The following NCAM2 variants were observed in gnomAD, a reference collection of about 807,000 sequenced individuals.
The protein encoded by NCAM2 is neural cell adhesion molecule 2, also known as N-CAM-2.
NCAM2 carries 30 observed loss-of-function variants against 98.1 expected under a neutral mutation model. The ratio of observed to expected loss-of-function variants is 0.31; its 90% CI spans 0.23 to 0.41. The LOEUF (loss-of-function observed/expected upper bound fraction) is 0.41. NCAM2 is among the 10% of genes least tolerant of loss of function. NCAM2 has a pLI of 1.00. For synonymous variants in NCAM2, 368 were observed against 342.4 expected (o/e 1.07, Z -0.83); for missense variants, 867 against 1,005.8 (o/e 0.86, Z 1.87).
intron 1 of NCAM2, among the ~76,000 whole-genome samples, chr21:21,056,819 G>A (rs906209396): frequency 1.3e-5 from 2 of 151,962 alleles, no homozygotes; most frequent in Middle Eastern, 3.2e-3. Context: ...AGAAGGTCAC[G>A]GGAAGCCTGG....
At chr21:21,069,072 G>A (rs1201878325) in intron 1 of NCAM2, among the ~76,000 whole-genome samples, 1 of 152,082 alleles carries the variant, frequency 6.6e-6, no homozygotes, top group Non-Finnish European at 1.5e-5. Context: ...ATTTGCATAT[G>A]ATTAAAATCC....
intron 16 of NCAM2, among the ~76,000 whole-genome samples, chr21:21,525,616 A>C (rs1424536626): frequency 6.6e-6 from 1 of 152,146 alleles, no homozygotes; most frequent in Non-Finnish European, 1.5e-5. Context: ...AATTATCTAC[A>C]TGTTATTTCA....
chr21:21,494,882 T>C (rs1485450720), intron 15 of NCAM2, among the ~76,000 whole-genome samples: 1 of 125,116 alleles, frequency 8.0e-6, no homozygotes, highest in Non-Finnish European at 1.7e-5. Context: ...AAAAGAGCTG[T>C]TATGTATGAA....
chr21:21,513,946 C>T (rs1486494497), intron 16 of NCAM2, among the ~76,000 whole-genome samples: 1 of 151,718 alleles, frequency 6.6e-6, no homozygotes, highest in Non-Finnish European at 1.5e-5. Context: ...TTTATAATGA[C>T]CTTATTCATC....
At chr21:21,165,985 C>G (rs2067939237) in intron 1 of NCAM2, among the ~76,000 whole-genome samples, 1 of 152,090 alleles carries the variant, frequency 6.6e-6, no homozygotes, top group South Asian at 2.1e-4. Flanking sequence ...AATGATGGGG[C>G]CATTCTCTAA....
intron 5 of NCAM2, among the ~76,000 whole-genome samples, chr21:21,304,532 C>T (rs1288114070): frequency 6.6e-6 from 1 of 151,942 alleles, no homozygotes; most frequent in Non-Finnish European, 1.5e-5. Context: ...ATTATAAGTC[C>T]TCCAACTTTG....
rs1022039382 is a variant in NCAM2, at chr21:21,357,115, C to G, written c.1045-16748C>G. Among the ~76,000 whole-genome samples the G allele has an allele frequency of 5.9e-5, 9 of 152,238 alleles. No individual in the cohort carries two copies. The East Asian group carries it at 1.5e-3, about 26-fold the overall frequency. On this transcript the variant is annotated intron_variant, in intron 8 of 17. Coordinates refer to ENST00000400546, the MANE Select transcript of NCAM2 (RefSeq NM_004540.5). Reference sequence around the variant, plus strand: ...AGTAGTCATTTTTTATGAATATACACTTTTGAAATATGCAGTTTTCATATA... The same window carrying G: ...AGTAGTCATTTTTTATGAATATACAGTTTTGAAATATGCAGTTTTCATATA...
At chr21:21,230,741 T>G (rs1285936524) in intron 1 of NCAM2, among the ~76,000 whole-genome samples, 1 of 151,314 alleles carries the variant, frequency 6.6e-6, no homozygotes, top group African/African-American at 2.4e-5. Context: ...GACCAGAAAA[T>G]GGGAAAACCA....
chr21:21,475,029 A>G lies in NCAM2; in HGVS notation c.1897-2262A>G, dbSNP rs572996557. The stretch of plus-strand genomic sequence containing the variant: ...ATTATAATACATATATATAATACAC[A>G]TATATAATGCACATATATATATATA... On this transcript the variant is annotated intron_variant, in intron 14 of 17. Coordinates refer to ENST00000400546, the MANE Select transcript of NCAM2 (RefSeq NM_004540.5). Among the ~76,000 whole-genome samples, 7 of 122,790 alleles carry G rather than the reference A, an allele frequency of 5.7e-5. No homozygotes were observed. The East Asian group carries it at 1.2e-3, about 21-fold the overall frequency. 80.6% of individuals were successfully genotyped at this position (122,790 alleles called of 152,430 possible).
intron 11 of NCAM2, among the ~76,000 whole-genome samples, chr21:21,419,133 G>T (rs535080427): frequency 6.6e-6 from 1 of 151,934 alleles, no homozygotes; most frequent in South Asian, 2.1e-4. Context: ...ATTTTTATAG[G>T]TAACAATACA....
intron 1 of NCAM2, among the ~76,000 whole-genome samples, chr21:21,103,713 T>C (rs191919918): frequency 4.6e-5 from 7 of 152,244 alleles, no homozygotes; most frequent in East Asian, 3.9e-4. Context: ...TAGAAATACG[T>C]CTGTGTTTTA....
intron 1 of NCAM2, among the ~76,000 whole-genome samples, chr21:21,279,381 C>A (rs1568876299): frequency 6.6e-6 from 1 of 152,102 alleles, no homozygotes; most frequent in African/African-American, 2.4e-5. Flanking sequence ...TTTTCTGAGA[C>A]AGAGTTTCAC....
intron 1 of NCAM2, among the ~76,000 whole-genome samples, chr21:21,044,156 T>G (rs2064963539): frequency 6.6e-6 from 1 of 152,182 alleles, no homozygotes; most frequent in South Asian, 2.1e-4. Context: ...ATCCTAAGGG[T>G]ATGTATTTCA....
At chr21:21,222,615 A>T (rs1393352490) in intron 1 of NCAM2, among the ~76,000 whole-genome samples, 2 of 152,200 alleles carry the variant, frequency 1.3e-5, no homozygotes, top group Non-Finnish European at 2.9e-5. Flanking sequence ...ACGATGTGAC[A>T]TAAGACTTGC....
chr21:21,498,992 A>T (rs990328429), intron 15 of NCAM2, among the ~76,000 whole-genome samples: 1 of 152,198 alleles, frequency 6.6e-6, no homozygotes, highest in African/African-American at 2.4e-5. Context: ...AGTAAATTAT[A>T]TGGACTTCCT....
At chr21:21,127,236 T>A (rs985502566) in intron 1 of NCAM2, among the ~76,000 whole-genome samples, 1 of 151,984 alleles carries the variant, frequency 6.6e-6, no homozygotes, top group Non-Finnish European at 1.5e-5. Context: ...TCCAAATGTA[T>A]TTCTTGATAC....
intron 16 of NCAM2, among the ~76,000 whole-genome samples, chr21:21,519,494 C>A (rs531737370): frequency 6.6e-6 from 1 of 151,840 alleles, no homozygotes; most frequent in South Asian, 2.1e-4. Context: ...CAAAATGTAC[C>A]TTCATGATGT....
intron 15 of NCAM2, among the ~76,000 whole-genome samples, chr21:21,479,504 G>T (rs1357964025): frequency 6.8e-6 from 1 of 147,406 alleles, no homozygotes; most frequent in African/African-American, 2.5e-5. Context: ...GAATGGAGTG[G>T]ACCCGGGAGG....
At chr21:21,349,106 C>T (rs1270908392) in intron 8 of NCAM2, among the ~76,000 whole-genome samples, 1 of 152,060 alleles carries the variant, frequency 6.6e-6, no homozygotes, top group Non-Finnish European at 1.5e-5. Context: ...AAATTAAAAG[C>T]CTTCTGCACA....
Sources: allele counts gnomAD v4.1 joint callset (sites outside exome capture counted in the v4.1 genomes callset), GRCh38; gene constraint gnomAD v4.1.1; transcripts MANE v1.5; gene names NCBI Gene and HGNC (gene_info 2026-07-23, HGNC 2026-07-21).